Variants in IQCH observed in about 807,000 individuals in gnomAD.
IQCH encodes IQ motif containing H.
Under a neutral mutation model 117.0 loss-of-function variants are expected in IQCH, and 98 were observed. The observed-to-expected ratio is 0.84, with a 90% CI of 0.71 to 0.99. IQCH has a LOEUF of 0.99. Among genes scored for constraint, IQCH ranks in the 50% least tolerant of loss-of-function variants. The probability of loss-of-function intolerance (pLI) is 0.00; values close to 1 mark genes in which losing one functional copy is unlikely to be tolerated. For synonymous variants in IQCH, 412 were observed against 448.2 expected, an observed-to-expected ratio of 0.92 and a Z score of 1.02; for missense variants, 1,102 against 1,243.8, an observed-to-expected ratio of 0.89 and a Z score of 1.72.
At chr15:67,442,859 G>T (rs1376183879) in intron 16 of IQCH, among the ~76,000 whole-genome samples, 3 of 133,216 alleles carry the variant, frequency 2.3e-5, no homozygotes, top group African/African-American at 9.1e-5. Flanking sequence ...TAGATAGATA[G>T]ATAGATATAC....
At chr15:67,269,880 A>G (rs1341594367) in intron 3 of IQCH, among the ~76,000 whole-genome samples, 1 of 152,094 alleles carries the variant, frequency 6.6e-6, no homozygotes, top group Non-Finnish European at 1.5e-5. Context: ...TTATCCATTC[A>G]TCCATTGATG....
chr15:67,464,258 TG>T (rs990371822), intron 16 of IQCH, among the ~76,000 whole-genome samples: 1 of 152,042 alleles, frequency 6.6e-6, no homozygotes, highest in African/African-American at 2.4e-5. Flanking sequence ...AGTGTGGGGA[TG>T]GGGGATGACA....
rs143580426 is a variant in IQCH, at chr15:67,367,616, G to A, written c.754-4495G>A. 6.4e-4 allele frequency among the ~76,000 whole-genome samples: 97 copies of A among 152,244 alleles called. 1 individual carries two copies. The highest frequency in any genetic ancestry group is 4.3e-3 in the Admixed American group (66 of 15,276). ...AGATCAAGGCCAGGTTGGCTCTGAT[G>A]TACAAGGTGGTAGAAGGAAGACTAA... On this transcript the variant is annotated intron_variant, in intron 8 of 20. Transcript: ENST00000335894.
rs1036264213 is a variant in IQCH, at chr15:67,413,137, T to G, written c.2098-3794T>G. Among the ~76,000 whole-genome samples, 2 of 152,006 alleles carry G rather than the reference T, an allele frequency of 1.3e-5. No individual in the cohort carries two copies. Among genetic ancestry groups the G allele is most frequent in the Non-Finnish European group, 2.9e-5 (2 of 68,006 alleles). On this transcript the variant is annotated intron_variant, in intron 14 of 20. Coordinates refer to ENST00000335894, the MANE Select transcript of IQCH (RefSeq NM_001031715.3). The surrounding 1 kb of genome is among the most constrained non-coding windows in gnomAD (Gnocchi z 5.0). ...TAAGTTTGTTTTGAACAAAATAAAC[T>G]TGAATAGCTACAGATCTTCCCTTAC...
chr15:67,257,201 T>C (rs988263907), intron 1 of IQCH, among the ~76,000 whole-genome samples: 4 of 152,218 alleles, frequency 2.6e-5, no homozygotes, highest in South Asian at 2.1e-4. Context: ...ATAGGACATA[T>C]AGTTTGGATT....
chr15:67,287,064 T>C (rs1222836502), intron 4 of IQCH, among the ~76,000 whole-genome samples: 1 of 152,234 alleles, frequency 6.6e-6, no homozygotes, highest in Non-Finnish European at 1.5e-5. Context: ...GTTGATATGA[T>C]GTATCACATT....
At chr15:67,319,852 G>C (rs1049936972) in intron 4 of IQCH, among the ~76,000 whole-genome samples, 4 of 152,114 alleles carry the variant, frequency 2.6e-5, no homozygotes, top group Admixed American at 6.5e-5. Flanking sequence ...AAGAGAAATT[G>C]TGAAAAAGGA....
chr15:67,326,128 C>G (rs1968397923), intron 4 of IQCH, among the ~76,000 whole-genome samples: 1 of 152,152 alleles, frequency 6.6e-6, no homozygotes. Flanking sequence ...ACCCCCACCC[C>G]ACAACAGGCC....
intron 4 of IQCH, among the ~76,000 whole-genome samples, chr15:67,308,524 C>G (rs1464673730): frequency 6.6e-6 from 1 of 152,108 alleles, no homozygotes; most frequent in Non-Finnish European, 1.5e-5. Context: ...AGTCATCACC[C>G]AAGGACTGTG....
chr15:67,465,180 A>T lies in IQCH; in HGVS notation c.2559A>T (p.Gln853His), dbSNP rs750409200. The part of the protein sequence containing the change: ...LAYSDQLALT[Q>H]LTLYLTNGHL... ...ATAGTGACCAGCTGGCCCTGACTCA[A>T]CTCACCTTATACCTGACAAACGGCC... The change falls in exon 17 of 21, where the codon CAA becomes CAT. Residue 853 changes from glutamine (Q) to histidine (H), a missense_variant. Physicochemically the swap from Gln to His is conservative, Grantham distance 24 (BLOSUM62 0). Transcript: ENST00000335894. This position sits in a 1 kb window ranked among gnomAD's most constrained non-coding sequence, Gnocchi z 5.9. 1.2e-6 allele frequency: 2 copies of T among 1,613,958 alleles called. No homozygotes were observed. The highest frequency in any genetic ancestry group is 2.2e-5 in the East Asian group (1 of 44,892).
At chr15:67,326,692 C>T (rs1243912449) in intron 4 of IQCH, among the ~76,000 whole-genome samples, 1 of 152,024 alleles carries the variant, frequency 6.6e-6, no homozygotes, top group Non-Finnish European at 1.5e-5. Context: ...TAAAAAAATC[C>T]CCTGAAATCC....
intron 16 of IQCH, among the ~76,000 whole-genome samples, chr15:67,437,159 G>A (rs542856011): frequency 8.5e-5 from 13 of 152,236 alleles, no homozygotes; most frequent in East Asian, 1.9e-4. Flanking sequence ...TGCATCCCCC[G>A]CCACCTCCAT....
chr15:67,356,657 T>C lies in IQCH; in HGVS notation c.638-688T>C, dbSNP rs1371332973. 3.9e-5 allele frequency among the ~76,000 whole-genome samples: 6 copies of C among 152,216 alleles called. No homozygotes were observed. Among genetic ancestry groups the C allele is most frequent in the African/African-American group, 7.2e-5 (3 of 41,452 alleles). ...AACCATTTAAATAAATTTTTTGTTCTCTTTCTTGGGCTGAGTAGTATAAGG... is the reference window on the plus strand; with the variant it reads ...AACCATTTAAATAAATTTTTTGTTCCCTTTCTTGGGCTGAGTAGTATAAGG... On this transcript the variant is annotated intron_variant, in intron 6 of 20. Coordinates refer to ENST00000335894, the MANE Select transcript of IQCH (RefSeq NM_001031715.3). The surrounding 1 kb of genome is among the most constrained non-coding windows in gnomAD (Gnocchi z 5.3).
Position 67,424,052 on chromosome 15 carries a change from T to C in IQCH, c.2505+2475T>C, listed in dbSNP as rs909228197. Among the ~76,000 whole-genome samples, 3 of 152,276 alleles carry C rather than the reference T, an allele frequency of 2.0e-5. No individual in the cohort carries two copies. Among genetic ancestry groups the C allele is most frequent in the African/African-American group, 7.2e-5 (3 of 41,574 alleles). ...TCCAAACACGATGCCAGTCCTTCCT[T>C]GGGCTTACCACCCTTCTGGGCTTCT... On this transcript the variant is annotated intron_variant, in intron 16 of 20. Transcript: ENST00000335894. This position sits in a 1 kb window ranked among gnomAD's most constrained non-coding sequence, Gnocchi z 4.9.
At chr15:67,482,219 A>G (rs949793445) in intron 18 of IQCH, among the ~76,000 whole-genome samples, 14 of 1,286 alleles carry the variant, frequency 0.011, 1 homozygote, top group African/African-American at 8.9e-3. Context: ...ATCAAGGAAC[A>G]TTTCCCACCA....
intron 1 of IQCH, among the ~76,000 whole-genome samples, chr15:67,259,871 T>C (rs1347972665): frequency 1.3e-5 from 2 of 152,252 alleles, no homozygotes; most frequent in African/African-American, 4.8e-5. Flanking sequence ...GCAGTAGGTG[T>C]ATTCAGATTT....
At chr15:67,264,092 G>T (rs1480038596) in intron 3 of IQCH, among the ~76,000 whole-genome samples, 1 of 152,160 alleles carries the variant, frequency 6.6e-6, no homozygotes, top group Non-Finnish European at 1.5e-5. Context: ...GCAGAGCTTT[G>T]GGTGTACATT....
intron 4 of IQCH, among the ~76,000 whole-genome samples, chr15:67,308,679 AGGTGGTGGT>A (rs911710435): frequency 4.0e-5 from 6 of 151,748 alleles, no homozygotes; most frequent in African/African-American, 1.5e-4. Context: ...ATGGCAGTGA[AGGTGGTGGT>A]GGTGGTGGTG....
intron 10 of IQCH, among the ~76,000 whole-genome samples, chr15:67,379,494 T>A (rs11631877): frequency 1 from 151,597 of 152,314 alleles, 75,450 homozygotes; most frequent in Non-Finnish European, 1. Flanking sequence ...AGTATCCCCT[T>A]GGGTTCCCAG....
Sources: allele counts gnomAD v4.1 joint callset (sites outside exome capture counted in the v4.1 genomes callset), GRCh38; gene constraint gnomAD v4.1.1; non-coding constraint Gnocchi (gnomAD v3.1); transcripts MANE v1.5; gene names NCBI Gene and HGNC (gene_info 2026-07-23, HGNC 2026-07-21).